Variants in OTOG observed in about 807,000 individuals in gnomAD.
The protein encoded by OTOG is otogelin.
Under a neutral mutation model 313.8 loss-of-function variants are expected in OTOG, and 296 were observed. The observed-to-expected ratio is 0.94, with a 90% CI of 0.86 to 1.04. The LOEUF is 1.04. Among genes scored for constraint, OTOG ranks in the 50% least tolerant of loss-of-function variants. The pLI, the probability that OTOG is intolerant of heterozygous loss-of-function variation, is 0.00. For missense variants in OTOG, 3,948 were observed against 3,840.1 expected, an observed-to-expected ratio of 1.03 and a Z score of -0.74; for synonymous variants, 1,533 against 1,554.9, an observed-to-expected ratio of 0.99 and a Z score of 0.33.
At chr11:17,619,515 C>T (rs183145194) in intron 39 of OTOG, among the ~76,000 whole-genome samples, 1 of 152,136 alleles carries the variant, frequency 6.6e-6, no homozygotes, top group Non-Finnish European at 1.5e-5. Context: ...TTTAATGACT[C>T]CATTTCATCT....
At position 17,593,311 on chromosome 11, in the gene OTOG, A is replaced by T; in HGVS notation, c.3125A>T (p.Asp1042Val). ...NVGNSLIVFD[D>V]DSGNPSPESF... ...GGGAACTCACTCATTGTCTTTGATGATGACTCCGGAAATCCTGTAAGGCTC... is the reference window on the plus strand; with the variant it reads ...GGGAACTCACTCATTGTCTTTGATGTTGACTCCGGAAATCCTGTAAGGCTC... Residue 1042 changes from aspartate (D) to valine (V), a missense_variant, in exon 26 of 56, where the codon GAT (aspartate) becomes GTT (valine). By Grantham distance (152) the Asp-to-Val change is radical. Transcript: ENST00000399397. 6.4e-7 allele frequency: 1 copy of T among 1,550,604 alleles called. No individual in the cohort carries two copies.
chr11:17,561,203 A>G (rs1852175078), intron 14 of OTOG, 66 bp downstream of exon 14: 7 of 1,527,118 alleles, frequency 4.6e-6, no homozygotes, highest in Non-Finnish European at 5.3e-6. Flanking sequence ...GGGGCAAGGA[A>G]TCTCTGGGGG....
chr11:17,591,369 C>A, intron 24 of OTOG, 81 bp from the exon 25 acceptor site: 1 of 1,510,200 alleles, frequency 6.6e-7, no homozygotes, highest in Non-Finnish European at 8.9e-7. Flanking sequence ...CACATGCATT[C>A]GATAAGCCAT....
intron 36 of OTOG, 147 bp downstream of exon 36, chr11:17,611,570 C>T (rs1486924155): frequency 1.5e-5 from 14 of 918,090 alleles, no homozygotes; most frequent in Non-Finnish European, 2.1e-5. Context: ...TCCTATTGGC[C>T]CCTGATGCCA....
chr11:17,629,049 T>C, intron 39 of OTOG, 84 bp from the exon 40 acceptor site: 1 of 1,313,068 alleles, frequency 7.6e-7, no homozygotes, highest in Non-Finnish European at 1.1e-6. Flanking sequence ...GATGGATGGA[T>C]GAATGGATGG....
At chr11:17,633,963 C>A (rs920696800) in intron 43 of OTOG, 89 bp downstream of exon 43, 37 of 1,477,020 alleles carry the variant, frequency 2.5e-5, no homozygotes, top group Non-Finnish European at 3.1e-5. Flanking sequence ...CATCTGCATC[C>A]TTTCAGGTCT....
intron 15 of OTOG, among the ~76,000 whole-genome samples, chr11:17,565,540 C>A (rs1054297230): frequency 6.6e-6 from 1 of 152,184 alleles, no homozygotes; most frequent in Non-Finnish European, 1.5e-5. Flanking sequence ...TCACTATGGG[C>A]AACCCACACT....
chr11:17,635,162 C>G lies in OTOG; in HGVS notation c.7668C>G (p.Asp2556Glu). 6.5e-7 allele frequency: 1 copy of G among 1,547,494 alleles called. No individual in the cohort carries two copies. Among genetic ancestry groups the G allele is most frequent in the Non-Finnish European group, 8.7e-7 (1 of 1,146,724 alleles). ...TCCTGATCACGGGCCGCCTGGGGGA[C>G]TCCTGCTGCACCTCCTACTTCTGCG... is the stretch of plus-strand genomic sequence containing the variant. ...DQILITGRLG[D>E]SCCTSYFCAC... is the part of the protein sequence containing the mutation. The change falls in exon 46 of 56, where the codon GAC becomes GAG. Residue 2556 changes from aspartate (D) to glutamate (E), a missense_variant. Transcript: ENST00000399397.
Position 17,561,698 on chromosome 11 carries a change from C to A in OTOG, c.1535C>A (p.Thr512Asn). Residue 512 changes from threonine (T) to asparagine (N), a missense_variant, in exon 15 of 56, where the codon ACC becomes AAC. Transcript: ENST00000399397. ...CSVTGDIHFT[T>N]FDGRRYTFPA... is the part of the protein sequence containing the mutation. ...GTGACTGGTGACATTCACTTCACAA[C>A]CTTTGATGGCCGCCGGTACACGTTC... 6.4e-7 allele frequency: 1 copy of A among 1,550,558 alleles called. No individual in the cohort carries two copies. The highest frequency in any genetic ancestry group is 8.7e-7 in the Non-Finnish European group (1 of 1,146,988).
intron 40 of OTOG, among the ~76,000 whole-genome samples, chr11:17,630,123 TC>T (rs2133700958): frequency 6.6e-6 from 1 of 152,268 alleles, no homozygotes; most frequent in African/African-American, 2.4e-5. Context: ...GCTCATTTTT[TC>T]CTTTGTGCAA....
intron 33 of OTOG, among the ~76,000 whole-genome samples, chr11:17,606,651 G>A (rs1271008628): frequency 6.6e-6 from 1 of 152,220 alleles, no homozygotes; most frequent in East Asian, 1.9e-4. Context: ...TGCCAGGTGT[G>A]TCTGTCCCCA....
rs1226570384 is a variant in OTOG at position 17,569,287 on chromosome 11, T to A, written c.1776T>A (p.Asp592Glu). ...ACAAGATCATCCCGCCATACACAGATGGTACGGTTTGGGGTGGACAACAGA... is the reference window on the plus strand; with the variant it reads ...ACAAGATCATCCCGCCATACACAGAAGGTACGGTTTGGGGTGGACAACAGA... ...DQYKIIPPYT[D>E]DAFEIRRLSS... Residue 592 changes from aspartate (D) to glutamate (E), a missense_variant and splice_region_variant, in exon 16 of 56, where the codon GAT becomes GAA. By Grantham distance (45) the Asp-to-Glu change is conservative. Transcript: ENST00000399397. 3 of 1,550,574 alleles carry A rather than the reference T, an allele frequency of 1.9e-6. No individual in the cohort carries two copies. The South Asian group carries it at 3.6e-5, about 18-fold the overall frequency.
At chr11:17,554,443 C>CA (rs1852011266) in intron 6 of OTOG, among the ~76,000 whole-genome samples, 2 of 152,344 alleles carry the variant, frequency 1.3e-5, no homozygotes, top group Admixed American at 1.3e-4. Context: ...ATTTTCATGC[C>CA]TAACCTGTGT....
Position 17,602,257 on chromosome 11 carries a change from G to A in OTOG, c.3757G>A (p.Ala1253Thr), listed in dbSNP as rs1355481259. 6.4e-7 allele frequency: 1 copy of A among 1,550,574 alleles called. No homozygotes were observed. Among genetic ancestry groups the A allele is most frequent in the African/African-American group, 1.4e-5 (1 of 73,144 alleles). The stretch of plus-strand genomic sequence containing the variant: ...GCTATCCAGCTTGGCAGCCGGTGGT[G>A]CTCTGGTGGGCATGAAGGCGGTGGG... ...YQLSSLAAGG[A>T]LVGMKAVGDD... Residue 1253 changes from alanine (A) to threonine (T), a missense_variant, in exon 32 of 56, where the codon GCT (alanine) becomes ACT (threonine). Physicochemically the swap from Ala to Thr is moderately conservative, Grantham distance 58 (BLOSUM62 0). Transcript: ENST00000399397.
intron 28 of OTOG, among the ~76,000 whole-genome samples, chr11:17,595,193 T>C (rs1853062150): frequency 6.6e-6 from 1 of 152,042 alleles, no homozygotes; most frequent in Non-Finnish European, 1.5e-5. Flanking sequence ...GGGACAAGGG[T>C]TCCCACAGCC....
rs1854210133 is a variant in OTOG at position 17,634,429 on chromosome 11, C to G, written c.7480+148C>G. On this transcript the variant is annotated intron_variant, in intron 44 of 55. Transcript: ENST00000399397. ...GAGCTTGGAGGAGGGGAGAACCCTC[C>G]CTGGGGGCAGGGGCAGAGGCTCAGG... 4 of 906,138 alleles carry G rather than the reference C, an allele frequency of 4.4e-6. No homozygotes were observed. The African/African-American group carries it at 6.7e-5, about 15-fold the overall frequency. 56.1% of individuals were successfully genotyped at this position (906,138 alleles called of 1,614,324 possible).
At chr11:17,558,138 A>C in intron 8 of OTOG, 47 bp from the exon 9 acceptor site, 1 of 1,547,206 alleles carries the variant, frequency 6.5e-7, no homozygotes, top group Non-Finnish European at 8.7e-7. Context: ...CCTCCCATCC[A>C]CCCAACCCCA....
At chr11:17,599,641 C>T (rs1853196344) in intron 30 of OTOG, 30 bp from the exon 31 acceptor site, 1 of 1,550,430 alleles carries the variant, frequency 6.4e-7, no homozygotes, top group Admixed American at 2.0e-5. Flanking sequence ...TGGGCTGGCT[C>T]TCAGGAAGTT....
At chr11:17,563,924 C>G (rs558056540) in intron 15 of OTOG, among the ~76,000 whole-genome samples, 1 of 147,810 alleles carries the variant, frequency 6.8e-6, no homozygotes, top group Non-Finnish European at 1.5e-5. Flanking sequence ...TCTCAAACTC[C>G]TGGGCTCATG....
Sources: allele counts gnomAD v4.1 joint callset (sites outside exome capture counted in the v4.1 genomes callset), GRCh38; gene constraint gnomAD v4.1.1; transcripts MANE v1.5; gene names NCBI Gene and HGNC (gene_info 2026-07-23, HGNC 2026-07-21).